Variants in STX18 observed in about 807,000 individuals in gnomAD.
STX18 encodes syntaxin-18.
STX18 carries 40 observed loss-of-function variants against 50.1 expected under a neutral mutation model. The ratio of observed to expected loss-of-function variants is 0.80; its 90% CI spans 0.62 to 1.04. The LOEUF (loss-of-function observed/expected upper bound fraction) is 1.04. Among genes scored for constraint, STX18 ranks in the 50% least tolerant of loss-of-function variants. The pLI is 0.00. For missense variants in STX18, 410 were observed against 415.8 expected (o/e 0.99, Z 0.12); for synonymous variants, 158 against 151.8 (o/e 1.04, Z -0.30).
intron 1 of STX18, among the ~76,000 whole-genome samples, chr4:4,493,953 C>A (rs1048469932): frequency 6.6e-6 from 1 of 152,192 alleles, no homozygotes; most frequent in African/African-American, 2.4e-5. Flanking sequence ...ATGTCTTTAA[C>A]TCTTTTCCCT....
intron 9 of STX18, among the ~76,000 whole-genome samples, chr4:4,421,911 G>GC (rs1320431220): frequency 6.6e-6 from 1 of 152,162 alleles, no homozygotes; most frequent in Non-Finnish European, 1.5e-5. Flanking sequence ...AACACAGGGG[G>GC]CGTCTGGCCC....
At chr4:4,513,458 G>T (rs185802720) in intron 1 of STX18, among the ~76,000 whole-genome samples, 2 of 152,238 alleles carry the variant, frequency 1.3e-5, no homozygotes, top group Admixed American at 6.5e-5. Context: ...AAAGTGTGGG[G>T]GATTTCAACC....
intron 8 of STX18, among the ~76,000 whole-genome samples, chr4:4,424,074 C>T (rs1725110751): frequency 6.6e-6 from 1 of 152,014 alleles, no homozygotes; most frequent in African/African-American, 2.4e-5. Flanking sequence ...CAAACCAACT[C>T]CCTGTTCCAA....
intron 1 of STX18, among the ~76,000 whole-genome samples, chr4:4,516,164 T>C (rs926075533): frequency 2.6e-5 from 4 of 152,248 alleles, no homozygotes; most frequent in African/African-American, 9.6e-5. Flanking sequence ...GAACACAGTC[T>C]ATAATTACTG....
intron 1 of STX18, among the ~76,000 whole-genome samples, chr4:4,498,294 C>G (rs533636419): frequency 1.3e-5 from 2 of 152,186 alleles, no homozygotes; most frequent in South Asian, 4.2e-4. Context: ...TTTGCAGTGA[C>G]TTTTCTTCGC....
At position 4,420,000 on chromosome 4, in the gene STX18, T is replaced by A. The variant is rs562952339; in HGVS notation, c.*34A>T. ...AAAGCACGCAGTCTGTGAGTGCCCA[T>A]GAGGACTCTCGTGCTGGGCCCCCGT... is the stretch of plus-strand genomic sequence containing the variant. On this transcript the variant is annotated 3_prime_UTR_variant, in exon 11 of 11. Coordinates refer to ENST00000306200, the MANE Select transcript of STX18 (RefSeq NM_016930.4). 6.4e-7 allele frequency: 1 copy of A among 1,565,198 alleles called. No homozygotes were observed. Among genetic ancestry groups the A allele is most frequent in the Non-Finnish European group, 8.7e-7 (1 of 1,146,360 alleles).
chr4:4,423,219 C>T (rs538015341), intron 9 of STX18, among the ~76,000 whole-genome samples: 2 of 152,360 alleles, frequency 1.3e-5, no homozygotes, highest in African/African-American at 4.8e-5. Context: ...TTACCCAGCA[C>T]ATCCAGAACC....
At chr4:4,473,832 A>G (rs1018101320) in intron 1 of STX18, among the ~76,000 whole-genome samples, 1 of 152,222 alleles carries the variant, frequency 6.6e-6, no homozygotes, top group Non-Finnish European at 1.5e-5. Flanking sequence ...TACATTCGAC[A>G]GTGGTGAATT....
intron 5 of STX18, among the ~76,000 whole-genome samples, chr4:4,450,153 C>A (rs567480747): frequency 6.6e-6 from 1 of 152,316 alleles, no homozygotes; most frequent in African/African-American, 2.4e-5. Context: ...TTTTCATACA[C>A]GCGTATAAAT....
At chr4:4,454,735 A>G (rs1726976955) in intron 5 of STX18, among the ~76,000 whole-genome samples, 1 of 152,322 alleles carries the variant, frequency 6.6e-6, no homozygotes, top group Middle Eastern at 3.4e-3. Context: ...ATCTGCTCCA[A>G]TTACCCTGAG....
intron 1 of STX18, among the ~76,000 whole-genome samples, chr4:4,472,502 C>T (rs1193294541): frequency 6.6e-6 from 1 of 152,248 alleles, no homozygotes; most frequent in South Asian, 2.1e-4. Context: ...TCGTTCCAAA[C>T]ACACGTGGCC....
chr4:4,470,195 G>A (rs973016922), intron 2 of STX18, among the ~76,000 whole-genome samples: 2 of 152,194 alleles, frequency 1.3e-5, no homozygotes, highest in Non-Finnish European at 2.9e-5. Context: ...CTGCAGCAGG[G>A]GATCTCAATG....
intron 1 of STX18, chr4:4,499,454 T>C (rs2108875573): frequency 1.0e-6 from 1 of 981,302 alleles, no homozygotes; most frequent in Non-Finnish European, 1.2e-6. Flanking sequence ...TGGAAAAACT[T>C]ACCTTTTAGA....
intron 5 of STX18, among the ~76,000 whole-genome samples, chr4:4,441,303 T>C (rs571024914): frequency 2.1e-4 from 32 of 152,340 alleles, no homozygotes; most frequent in Non-Finnish European, 3.1e-4. Context: ...AAGAAGAGCA[T>C]GTGGTATGGG....
chr4:4,452,556 G>A (rs7697936), intron 5 of STX18, among the ~76,000 whole-genome samples: 3,583 of 152,250 alleles, frequency 0.024, 139 homozygotes, highest in African/African-American at 0.081. Context: ...AAAATCTTGG[G>A]CATGGTGGCA....
In STX18 at chr4:4,457,069, T is replaced by A. The variant is rs1727116905; in HGVS notation, c.497+122A>T. The A allele has an allele frequency of 3.4e-6, 3 of 890,736 alleles. No individual in the cohort carries two copies. In the East Asian group the frequency reaches 7.9e-5, roughly 23 times the overall value. The allele number at this position is 890,736 out of a possible 1,614,324, so 55.2% of individuals were successfully genotyped here. A position where few individuals can be genotyped will look rare whatever the true frequency, so the allele number is the denominator to read the frequency against. ...AGTGAGTGCCCGGTAGCGCCAGCTA[T>A]GGCATTTTGCGAAGAAGTTCAAACA... On this transcript the variant is annotated intron_variant, in intron 5 of 10. Transcript: ENST00000306200.
At chr4:4,437,786 AG>A (rs759823648) in intron 6 of STX18, among the ~76,000 whole-genome samples, 14 of 152,216 alleles carry the variant, frequency 9.2e-5, no homozygotes, top group Non-Finnish European at 1.6e-4. Context: ...ATCCCTACGC[AG>A]GGGTACCAGC....
At position 4,419,388 on chromosome 4, in the gene STX18, T is replaced by G. The variant is rs1356155638; in HGVS notation, c.*646A>C. 6.6e-6 allele frequency: 1 copy of G among 152,206 alleles called. No homozygotes were observed. Among genetic ancestry groups the G allele is most frequent in the Non-Finnish European group, 1.5e-5 (1 of 68,048 alleles). 9.4% of individuals were successfully genotyped at this position (152,206 alleles called of 1,614,324 possible). A position where few individuals can be genotyped will look rare whatever the true frequency, so the allele number is the denominator to read the frequency against. Reference sequence around the variant, plus strand: ...GGCAGCCCCTCACTGAGGGCCCCAGTCTCCCCTGCATTTCTTCCCTGATTG... The same window carrying G: ...GGCAGCCCCTCACTGAGGGCCCCAGGCTCCCCTGCATTTCTTCCCTGATTG... On this transcript the variant is annotated 3_prime_UTR_variant, in exon 11 of 11. Coordinates refer to ENST00000306200, the MANE Select transcript of STX18 (RefSeq NM_016930.4).
chr4:4,512,469 CA>C (rs775321048), intron 1 of STX18, among the ~76,000 whole-genome samples: 1 of 152,034 alleles, frequency 6.6e-6, no homozygotes, highest in Non-Finnish European at 1.5e-5. Flanking sequence ...TGATTGAAGC[CA>C]GAGTGGGGAT....
Sources: allele counts gnomAD v4.1 joint callset (sites outside exome capture counted in the v4.1 genomes callset), GRCh38; gene constraint gnomAD v4.1.1; transcripts MANE v1.5; gene names NCBI Gene and HGNC (gene_info 2026-07-23, HGNC 2026-07-21).